Variants in SVEP1 observed in about 807,000 individuals in gnomAD.
SVEP1 encodes sushi, von Willebrand factor type A, EGF and pentraxin domain-containing protein 1.
In SVEP1, 164 loss-of-function variants were observed where a neutral mutation model predicts 367.3. That is an observed-to-expected ratio of 0.45 (90% CI 0.39 to 0.51). The LOEUF (loss-of-function observed/expected upper bound fraction) is 0.51, where lower values mean the gene tolerates loss of function less well. SVEP1 is among the 20% of genes least tolerant of loss of function. The pLI is 0.00. For synonymous variants in SVEP1, 1,666 were observed against 1,611.6 expected (o/e 1.03, Z -0.81); for missense variants, 4,117 against 4,425.3 (o/e 0.93, Z 1.98).
At chr9:110,559,409 T>C (rs1276182139) in intron 1 of SVEP1, among the ~76,000 whole-genome samples, 1 of 152,074 alleles carries the variant, frequency 6.6e-6, no homozygotes, top group Admixed American at 6.6e-5. Flanking sequence ...AGTTGAGCAT[T>C]TTTGACCAAA....
At position 110,406,608 on chromosome 9, in the gene SVEP1, T is replaced by TGCC. The variant is rs1827958375; in HGVS notation, c.8989_8991dup (p.Gly2997dup). On this transcript the variant is annotated inframe_insertion, in exon 38 of 48. Coordinates refer to ENST00000374469, the MANE Select transcript of SVEP1 (RefSeq NM_153366.4). ...CTGCAAGGCAGGCAGGAAGGTGAGC[T>TGCC]GCCACTCCAGGAGCCATTGGAGAGG... 6.2e-7 allele frequency: 1 copy of TGCC among 1,613,938 alleles called. No homozygotes were observed. The highest frequency in any genetic ancestry group is 8.5e-7 in the Non-Finnish European group (1 of 1,179,884).
At position 110,406,790 on chromosome 9, in the gene SVEP1, C is replaced by T. The variant is rs1334694816; in HGVS notation, c.8810G>A (p.Trp2937Ter). The T allele has an allele frequency of 1.2e-6, 2 of 1,613,908 alleles. No homozygotes were observed. The highest frequency in any genetic ancestry group is 8.5e-7 in the Non-Finnish European group (1 of 1,179,896). ...PKLTCQSDGN[W>*]DAEIPLCKPV... ...TTTACAGAGAGGAATCTCTGCATCC[C>T]AGTTGCCATCTGACTGACAGGTGAG... is the stretch of plus-strand genomic sequence containing the variant. The change falls in exon 38 of 48, where the codon TGG becomes TAG. Residue 2937 changes from tryptophan to a stop codon, truncating the protein, a stop_gained. Coordinates refer to ENST00000374469, the MANE Select transcript of SVEP1 (RefSeq NM_153366.4). LOFTEE classifies it high-confidence loss of function.
At chr9:110,468,474 C>T (rs1828970699) in intron 17 of SVEP1, among the ~76,000 whole-genome samples, 1 of 152,174 alleles carries the variant, frequency 6.6e-6, no homozygotes, top group Admixed American at 6.5e-5. Flanking sequence ...GAACTTCTGC[C>T]TTTCTTTCCT....
chr9:110,448,172 C>CGT (rs71907828), intron 24 of SVEP1, among the ~76,000 whole-genome samples: 153 of 15,082 alleles, frequency 0.01, no homozygotes, highest in African/African-American at 0.027. Flanking sequence ...TGCGCGCGCT[C>CGT]GCGCGTGTGT....
At chr9:110,539,671 TAC>T (rs1220182892) in intron 3 of SVEP1, among the ~76,000 whole-genome samples, 1 of 151,282 alleles carries the variant, frequency 6.6e-6, no homozygotes, top group Non-Finnish European at 1.5e-5. Context: ...ATATGTACAT[TAC>T]ATATATATAT....
At chr9:110,533,842 A>C (rs999512745) in intron 3 of SVEP1, among the ~76,000 whole-genome samples, 4 of 152,234 alleles carry the variant, frequency 2.6e-5, no homozygotes, top group East Asian at 3.8e-4. Context: ...AAACACTGGG[A>C]ATACTAAGCT....
chr9:110,493,442 A>T (rs1829400416), intron 8 of SVEP1, among the ~76,000 whole-genome samples: 1 of 152,116 alleles, frequency 6.6e-6, no homozygotes, highest in Non-Finnish European at 1.5e-5. Context: ...AGCTTAAAAC[A>T]ACAAAAATGG....
At chr9:110,513,600 T>A (rs914968362) in intron 4 of SVEP1, among the ~76,000 whole-genome samples, 1 of 152,208 alleles carries the variant, frequency 6.6e-6, no homozygotes, top group Non-Finnish European at 1.5e-5. Context: ...CAAAGATAAA[T>A]GTGACTATCT....
rs558634131 is a variant in SVEP1, at chr9:110,400,510, G to A, written c.9822+344C>T. Among the ~76,000 whole-genome samples, 13 of 152,106 alleles carry A rather than the reference G, an allele frequency of 8.5e-5. No homozygotes were observed. In the South Asian group the frequency reaches 1.0e-3, roughly 12 times the overall value. On this transcript the variant is annotated intron_variant, in intron 40 of 47. Transcript: ENST00000374469. Reference sequence around the variant, plus strand: ...GTCTCCCAAGTAGCTGGAATTACAGGTGCCTGCCACCATGAACAGCTAATT... The same window carrying A: ...GTCTCCCAAGTAGCTGGAATTACAGATGCCTGCCACCATGAACAGCTAATT...
chr9:110,389,304 CTTGTGTCCTATTGCAG>C (rs1301649056), intron 41 of SVEP1, among the ~76,000 whole-genome samples: 17 of 152,122 alleles, frequency 1.1e-4, no homozygotes, highest in African/African-American at 3.1e-4. Context: ...AGTCAGTAAT[CTTGTGTCCTATTGCAG>C]TTAATTGTTA....
chr9:110,389,505 T>G lies in SVEP1; in HGVS notation c.9886+19A>C, dbSNP rs369726449. 56 of 1,612,784 alleles carry G rather than the reference T, an allele frequency of 3.5e-5. No homozygotes were observed. Among genetic ancestry groups the G allele is most frequent in the South Asian group, 3.2e-4 (29 of 90,902 alleles). ...TCCTCAGTGTCATTTTGGGGGCTGC[T>G]AAGTGTCATTCAACTCACCTTTGCA... On this transcript the variant is annotated intron_variant, in intron 41 of 47. Transcript: ENST00000374469.
chr9:110,446,044 A>G lies in SVEP1; in HGVS notation c.4262-6T>C. The G allele has an allele frequency of 2.5e-6, 4 of 1,601,432 alleles. No homozygotes were observed. The highest frequency in any genetic ancestry group is 3.4e-6 in the Non-Finnish European group (4 of 1,173,412). On this transcript the variant is annotated splice_region_variant and splice_polypyrimidine_tract_variant and intron_variant, in intron 25 of 47. Coordinates refer to ENST00000374469, the MANE Select transcript of SVEP1 (RefSeq NM_153366.4). ...GTTAAAGCCTGTAGACTGTTCTGCA[A>G]TGAATAAGAAAAGTGTGCAGACTGT...
At chr9:110,432,796 C>T (rs548914278) in intron 30 of SVEP1, among the ~76,000 whole-genome samples, 161 bp from the exon 31 acceptor site, 35 of 152,316 alleles carry the variant, frequency 2.3e-4, no homozygotes, top group South Asian at 6.2e-4. Flanking sequence ...GAACCCTCAG[C>T]GTCTAGCACA....
intron 1 of SVEP1, among the ~76,000 whole-genome samples, chr9:110,571,040 G>A (rs1015988474): frequency 2.1e-5 from 3 of 143,694 alleles, no homozygotes; most frequent in Non-Finnish European, 3.0e-5. Context: ...TCAATGACGC[G>A]ATCTCAACTC....
intron 20 of SVEP1, among the ~76,000 whole-genome samples, chr9:110,457,798 T>C (rs1194910859): frequency 6.6e-6 from 1 of 152,174 alleles, no homozygotes; most frequent in Non-Finnish European, 1.5e-5. Flanking sequence ...GTTTGAAATA[T>C]GATTTATAGA....
At position 110,513,947 on chromosome 9, in the gene SVEP1, C is replaced by G. The variant is rs749981657; in HGVS notation, c.1123+1G>C. 2 of 1,610,224 alleles carry G rather than the reference C, an allele frequency of 1.2e-6. No homozygotes were observed. The highest frequency in any genetic ancestry group is 1.7e-6 in the Non-Finnish European group (2 of 1,177,496). Reference sequence around the variant, plus strand: ...CCATTTTCCAACAGTGGGAGACTCACGTTCACAGGTCTGGCCAGATGCCCT... The same window carrying G: ...CCATTTTCCAACAGTGGGAGACTCAGGTTCACAGGTCTGGCCAGATGCCCT... On this transcript the variant is annotated splice_donor_variant, in intron 4 of 47. Coordinates refer to ENST00000374469, the MANE Select transcript of SVEP1 (RefSeq NM_153366.4). LOFTEE classifies it high-confidence loss of function.
chr9:110,416,497 G>A (rs1346174000), intron 36 of SVEP1, among the ~76,000 whole-genome samples: 1 of 151,244 alleles, frequency 6.6e-6, no homozygotes, highest in Admixed American at 6.6e-5. Context: ...AAGTGTGACA[G>A]ATTAATTAAC....
intron 1 of SVEP1, among the ~76,000 whole-genome samples, chr9:110,577,378 T>C (rs919098206): frequency 4.0e-5 from 6 of 151,852 alleles, no homozygotes; most frequent in African/African-American, 1.2e-4. Flanking sequence ...TTCAATTAAA[T>C]TGGAAAAGGA....
chr9:110,502,287 T>C (rs1258375612), intron 6 of SVEP1, among the ~76,000 whole-genome samples: 1 of 151,966 alleles, frequency 6.6e-6, no homozygotes, highest in Non-Finnish European at 1.5e-5. Flanking sequence ...GTATTTTTAG[T>C]AGAGACAGCG....
Sources: allele counts gnomAD v4.1 joint callset (sites outside exome capture counted in the v4.1 genomes callset), GRCh38; gene constraint gnomAD v4.1.1; transcripts MANE v1.5; gene names NCBI Gene and HGNC (gene_info 2026-07-23, HGNC 2026-07-21).